PARL: variants seen among roughly 807,000 people sequenced by gnomAD.
PARL encodes the protein presenilin-associated rhomboid-like protein, mitochondrial.
In PARL, 44 loss-of-function variants were observed where a neutral mutation model predicts 51.6. The observed-to-expected ratio is 0.85, with a 90% CI of 0.67 to 1.10. The LOEUF (loss-of-function observed/expected upper bound fraction) is 1.10. PARL is among the 50% of genes least tolerant of loss of function. The pLI, the probability that PARL is intolerant of heterozygous loss-of-function variation, is 0.00. For synonymous variants in PARL, 172 were observed against 164.0 expected, an observed-to-expected ratio of 1.05 and a Z score of -0.37; for missense variants, 441 against 469.5, an observed-to-expected ratio of 0.94 and a Z score of 0.56.
rs141430898 is a variant in PARL at position 183,865,312 on chromosome 3, A to G, written c.462+1313T>C. ...GACAGAGTGGGACGCTGTCTCTTAGAAAAAAAAATCACTTGCTAGCTCTAT... is the reference window on the plus strand; with the variant it reads ...GACAGAGTGGGACGCTGTCTCTTAGGAAAAAAAATCACTTGCTAGCTCTAT... On this transcript the variant is annotated intron_variant, in intron 3 of 9. Coordinates refer to ENST00000317096, the MANE Select transcript of PARL (RefSeq NM_018622.7). 9.0e-3 allele frequency among the ~76,000 whole-genome samples: 1,359 copies of G among 151,806 alleles called. 11 individuals are homozygous for G. The highest frequency in any genetic ancestry group is 0.055 in the Middle Eastern group (16 of 292).
chr3:183,879,224 A>G (rs1369653067), intron 1 of PARL, among the ~76,000 whole-genome samples: 1 of 152,238 alleles, frequency 6.6e-6, no homozygotes, highest in Non-Finnish European at 1.5e-5. Flanking sequence ...CAAGCCCACG[A>G]TTGGCTTAAG....
At chr3:183,848,121 A>C (rs1189900528) in intron 4 of PARL, among the ~76,000 whole-genome samples, 1 of 152,276 alleles carries the variant, frequency 6.6e-6, no homozygotes, top group African/African-American at 2.4e-5. Context: ...AAAAAATGTC[A>C]GAATCAACCT....
At chr3:183,854,667 A>C (rs1032063983) in intron 4 of PARL, among the ~76,000 whole-genome samples, 4 of 152,052 alleles carry the variant, frequency 2.6e-5, no homozygotes, top group Non-Finnish European at 5.9e-5. Flanking sequence ...TTTTACAAAA[A>C]TGTGAATATA....
In PARL at chr3:183,868,072, AAAT is replaced by A; in HGVS notation, c.126-15_126-13del. 3 of 1,603,258 alleles carry A rather than the reference AAAT, an allele frequency of 1.9e-6. No homozygotes were observed. The highest frequency in any genetic ancestry group is 1.7e-6 in the Non-Finnish European group (2 of 1,170,032). On this transcript the variant is annotated splice_polypyrimidine_tract_variant and intron_variant, in intron 1 of 9. Transcript: ENST00000317096. The stretch of plus-strand genomic sequence containing the variant: ...TAAAGAAGTTAAACCTATGGGGCAA[AAAT>A]AACAGATGAGAAACACAGTAGCGTC...
intron 4 of PARL, among the ~76,000 whole-genome samples, chr3:183,848,247 A>AT (rs1181991418): frequency 6.6e-6 from 1 of 152,038 alleles, no homozygotes; most frequent in African/African-American, 2.4e-5. Context: ...TTGTTTATTC[A>AT]TTTTTTTCTT....
At chr3:183,836,078 A>G (rs1417416419) in intron 7 of PARL, among the ~76,000 whole-genome samples, 1 of 151,628 alleles carries the variant, frequency 6.6e-6, no homozygotes, top group Non-Finnish European at 1.5e-5. Flanking sequence ...TTAGCTGGGC[A>G]TGGTCGTGCA....
intron 3 of PARL, among the ~76,000 whole-genome samples, chr3:183,864,978 G>A (rs1695445586): frequency 6.7e-6 from 1 of 149,224 alleles, no homozygotes; most frequent in Admixed American, 6.7e-5. Context: ...TTTACCACAG[G>A]TGTGTAAATA....
chr3:183,848,627 T>A (rs1159603789), intron 4 of PARL, among the ~76,000 whole-genome samples: 1 of 152,212 alleles, frequency 6.6e-6, no homozygotes, highest in Admixed American at 6.5e-5. Flanking sequence ...TCCCAAAGAA[T>A]TGTCATTATT....
At chr3:183,866,820 C>G in intron 2 of PARL, 55 bp from the exon 3 acceptor site, 4 of 1,233,870 alleles carry the variant, frequency 3.2e-6, no homozygotes, top group Non-Finnish European at 4.7e-6. Flanking sequence ...TAGATCTATA[C>G]ATTATTTCCA....
At chr3:183,854,210 C>G (rs1730875101) in intron 4 of PARL, among the ~76,000 whole-genome samples, 1 of 152,294 alleles carries the variant, frequency 6.6e-6, no homozygotes, top group African/African-American at 2.4e-5. Flanking sequence ...CCACTGCACT[C>G]CAGCCCACGC....
At chr3:183,883,428 C>T (rs913333377) in intron 1 of PARL, among the ~76,000 whole-genome samples, 6 of 152,092 alleles carry the variant, frequency 3.9e-5, no homozygotes, top group Non-Finnish European at 7.4e-5. Context: ...GCCACCATGC[C>T]CCGCTAATTT....
chr3:183,876,346 C>T (rs1733801082), intron 1 of PARL, among the ~76,000 whole-genome samples: 1 of 152,120 alleles, frequency 6.6e-6, no homozygotes, highest in Non-Finnish European at 1.5e-5. Context: ...TGTGCCCAAA[C>T]GGTTTACCAA....
intron 9 of PARL, among the ~76,000 whole-genome samples, chr3:183,830,894 C>T (rs1414125993): frequency 6.6e-6 from 1 of 152,154 alleles, no homozygotes; most frequent in Non-Finnish European, 1.5e-5. Context: ...GAAAAAGGAG[C>T]ACCCTAATAT....
chr3:183,848,312 G>A lies in PARL; in HGVS notation c.512-3986C>T, dbSNP rs775724156. Among the ~76,000 whole-genome samples, 34 of 152,216 alleles carry A rather than the reference G, an allele frequency of 2.2e-4. 1 individual carries two copies. The highest frequency in any genetic ancestry group is 5.2e-4 in the Admixed American group (8 of 15,294). ...GCTGGAGTGCAGTGGCGCAATCTCC[G>A]CTCACTGAAAGCTCCGCCTCCCGGG... is the stretch of plus-strand genomic sequence containing the variant. On this transcript the variant is annotated intron_variant, in intron 4 of 9. Transcript: ENST00000317096.
chr3:183,884,253 T>A (rs764180426), intron 1 of PARL, among the ~76,000 whole-genome samples: 2 of 152,218 alleles, frequency 1.3e-5, no homozygotes, highest in Admixed American at 6.5e-5. Flanking sequence ...TCCTACGACT[T>A]TGCCAGACAC....
intron 7 of PARL, among the ~76,000 whole-genome samples, chr3:183,835,957 C>T (rs1007755260): frequency 6.6e-6 from 1 of 151,992 alleles, no homozygotes; most frequent in Non-Finnish European, 1.5e-5. Flanking sequence ...GTCGCTTACA[C>T]CTGTAATCCC....
chr3:183,847,885 G>C (rs1373413111), intron 4 of PARL, among the ~76,000 whole-genome samples: 1 of 152,172 alleles, frequency 6.6e-6, no homozygotes, highest in Non-Finnish European at 1.5e-5. Context: ...TTTCCTTTGA[G>C]AAATAGAAGA....
At chr3:183,876,403 C>G (rs1733811243) in intron 1 of PARL, among the ~76,000 whole-genome samples, 1 of 151,844 alleles carries the variant, frequency 6.6e-6, no homozygotes, top group African/African-American at 2.4e-5. Context: ...AAAAAAGATT[C>G]CTTTCAAAAT....
At position 183,840,600 on chromosome 3, in the gene PARL, G is replaced by A. The variant is rs980262366; in HGVS notation, c.798C>T (p.Ala266=). 6.4e-7 allele frequency: 1 copy of A among 1,565,002 alleles called. No homozygotes were observed. Among genetic ancestry groups the A allele is most frequent in the African/African-American group, 1.4e-5 (1 of 73,748 alleles). ...SNFVSYVGKV[A]TGRYGPSLGA... ...CAAGTGATGGTCCATATCTTCCTGTGGCAACTTTACCCACGTAACTGACAA... is the reference window on the plus strand; with the variant it reads ...CAAGTGATGGTCCATATCTTCCTGTAGCAACTTTACCCACGTAACTGACAA... The change falls in exon 7 of 10, where the codon GCC becomes GCT. Residue 266 remains alanine (A), a synonymous_variant. Transcript: ENST00000317096.
Sources: gnomAD v4.1 joint callset for allele counts (sites outside exome capture counted in the v4.1 genomes callset) on GRCh38, gnomAD v4.1.1 for gene constraint, MANE v1.5 for transcripts, NCBI Gene and HGNC (gene_info 2026-07-23, HGNC 2026-07-21) for gene names.